SLC8A1: variants seen among roughly 807,000 people sequenced by gnomAD.
SLC8A1 encodes sodium/calcium exchanger 1.
Under a neutral mutation model 68.3 loss-of-function variants are expected in SLC8A1, and 18 were observed. The observed-to-expected ratio is 0.26, with a 90% CI of 0.18 to 0.39. The LOEUF (loss-of-function observed/expected upper bound fraction) is 0.39, where lower values mean the gene tolerates loss of function less well. Ranked by LOEUF, SLC8A1 falls within the 10% of genes least tolerant of loss-of-function variation. The pLI, the probability that SLC8A1 is intolerant of heterozygous loss-of-function variation, is 1.00. For synonymous variants in SLC8A1, 475 were observed against 415.5 expected, an observed-to-expected ratio of 1.14 and a Z score of -1.74; for missense variants, 985 against 1,156.7, an observed-to-expected ratio of 0.85 and a Z score of 2.15.
intron 1 of SLC8A1, among the ~76,000 whole-genome samples, chr2:40,475,958 T>C (rs1704278834): frequency 6.6e-6 from 1 of 152,182 alleles, no homozygotes; most frequent in African/African-American, 2.4e-5. Flanking sequence ...CTGAGTAGTT[T>C]TCTGTTCAAA....
chr2:40,430,706 A>G (rs890248857), intron 1 of SLC8A1, among the ~76,000 whole-genome samples: 1 of 152,178 alleles, frequency 6.6e-6, no homozygotes, highest in Non-Finnish European at 1.5e-5. Context: ...CCTCCTTTTT[A>G]CTAAAGCAGA....
At chr2:40,511,338 A>G (rs1162346011) in intron 1 of SLC8A1, among the ~76,000 whole-genome samples, 5 of 152,174 alleles carry the variant, frequency 3.3e-5, no homozygotes, top group African/African-American at 1.2e-4. Flanking sequence ...TATGACCTAT[A>G]ATTTTTTCTC....
At chr2:40,385,700 T>C (rs1293543541) in intron 2 of SLC8A1, among the ~76,000 whole-genome samples, 1 of 151,366 alleles carries the variant, frequency 6.6e-6, no homozygotes, top group Non-Finnish European at 1.5e-5. Context: ...TTTGCTAAAG[T>C]GTACTAAAAA....
intron 2 of SLC8A1, among the ~76,000 whole-genome samples, chr2:40,280,251 T>TAAAAAA (rs67427562): frequency 3.2e-5 from 3 of 94,472 alleles, no homozygotes; most frequent in African/African-American, 4.1e-5. Context: ...AAATAAACAC[T>TAAAAAA]AAAAAAAAAA....
chr2:40,332,133 G>T (rs924427969), intron 2 of SLC8A1, among the ~76,000 whole-genome samples: 3 of 152,034 alleles, frequency 2.0e-5, no homozygotes, highest in African/African-American at 7.2e-5. Flanking sequence ...TCTAAACAGA[G>T]ATTTACTAAA....
intron 7 of SLC8A1, among the ~76,000 whole-genome samples, chr2:40,136,026 A>C (rs910366355): frequency 1.3e-5 from 2 of 152,190 alleles, no homozygotes; most frequent in African/African-American, 4.8e-5. Flanking sequence ...AGTCATTGGC[A>C]TATAGATGTC....
intron 7 of SLC8A1, chr2:40,117,178 A>G (rs1372854701): frequency 6.6e-6 from 1 of 152,116 alleles, no homozygotes; most frequent in Non-Finnish European, 1.5e-5. Flanking sequence ...AGGATCTGAA[A>G]TAGCTTCCTG....
intron 2 of SLC8A1, among the ~76,000 whole-genome samples, chr2:40,344,495 G>T (rs553896333): frequency 6.6e-6 from 1 of 152,252 alleles, no homozygotes; most frequent in African/African-American, 2.4e-5. Context: ...TACAATAGTG[G>T]CTTTGGTTCT....
upstream of SLC8A1, among the ~76,000 whole-genome samples, chr2:40,456,113 G>A (rs1343009086): frequency 6.6e-6 from 1 of 152,024 alleles, no homozygotes; most frequent in Non-Finnish European, 1.5e-5. Flanking sequence ...TCAGGAGATC[G>A]AGACCATCCT....
chr2:40,182,488 AAAAG>A (rs2049797344), intron 2 of SLC8A1, among the ~76,000 whole-genome samples: 1 of 151,976 alleles, frequency 6.6e-6, no homozygotes, highest in African/African-American at 2.4e-5. Context: ...ATTTCTAAAA[AAAAG>A]AAAAAGAAAA....
chr2:40,247,328 A>C (rs2062015087), intron 2 of SLC8A1, among the ~76,000 whole-genome samples: 1 of 152,226 alleles, frequency 6.6e-6, no homozygotes, highest in Non-Finnish European at 1.5e-5. Context: ...GGTTAAGCCA[A>C]ATCCAGAAGT....
intron 1 of SLC8A1, among the ~76,000 whole-genome samples, chr2:40,438,204 C>T (rs1301440346): frequency 6.6e-6 from 1 of 152,116 alleles, no homozygotes; most frequent in Non-Finnish European, 1.5e-5. Context: ...AATTCTTTCA[C>T]ATAATAATTG....
chr2:40,165,675 G>T (rs982903588), intron 4 of SLC8A1, among the ~76,000 whole-genome samples: 2 of 152,122 alleles, frequency 1.3e-5, no homozygotes, highest in Non-Finnish European at 2.9e-5. Flanking sequence ...GGCCTTTCGG[G>T]AGTTAAAATA....
chr2:40,234,768 C>T (rs1309719620), intron 2 of SLC8A1, among the ~76,000 whole-genome samples: 3 of 152,126 alleles, frequency 2.0e-5, no homozygotes, highest in South Asian at 2.1e-4. Context: ...TTTTGAAATA[C>T]GTCCCATCAA....
At chr2:40,117,740 T>TG (rs1395297131) in intron 7 of SLC8A1, among the ~76,000 whole-genome samples, 6 of 152,350 alleles carry the variant, frequency 3.9e-5, no homozygotes, top group Admixed American at 2.6e-4. Flanking sequence ...GGGCATGCTC[T>TG]GAGCATGTAT....
chr2:40,110,732 CAT>C (rs1374854561), exon 8 of SLC8A1: 4 of 152,130 alleles, frequency 2.6e-5, no homozygotes, highest in African/African-American at 9.7e-5. Context: ...TGCCCAAAAT[CAT>C]AGTCAGAAAG....
intron 7 of SLC8A1, among the ~76,000 whole-genome samples, chr2:40,136,135 G>A (rs1432645742): frequency 6.6e-6 from 1 of 152,164 alleles, no homozygotes; most frequent in Non-Finnish European, 1.5e-5. Context: ...TTTAAAGGTG[G>A]GAAGAGGCTA....
At chr2:40,504,485 G>A (rs1706242784) in intron 1 of SLC8A1, among the ~76,000 whole-genome samples, 1 of 151,928 alleles carries the variant, frequency 6.6e-6, no homozygotes, top group African/African-American at 2.4e-5. Context: ...AAAAGCTTCT[G>A]TACAGCAAAT....
chr2:40,447,442 G>A (rs949025265), intron 1 of SLC8A1, among the ~76,000 whole-genome samples: 2 of 151,716 alleles, frequency 1.3e-5, no homozygotes, highest in East Asian at 1.9e-4. Flanking sequence ...CACTCACATC[G>A]CCCCAAACTT....
Sources: gnomAD v4.1 joint callset for allele counts (sites outside exome capture counted in the v4.1 genomes callset) on GRCh38, gnomAD v4.1.1 for gene constraint, MANE v1.5 for transcripts, NCBI Gene and HGNC (gene_info 2026-07-23, HGNC 2026-07-21) for gene names.